Variants in WDR72 observed in about 807,000 individuals in gnomAD.
WDR72 encodes WD repeat domain 72.
In WDR72, 120 loss-of-function variants were observed where a neutral mutation model predicts 124.2. The observed-to-expected ratio is 0.97, with a 90% confidence interval of 0.83 to 1.12. The LOEUF is 1.12. Ranked by LOEUF, WDR72 falls within the 50% of genes most tolerant of loss-of-function variation. WDR72 has a pLI of 0.00. For synonymous variants in WDR72, 452 were observed against 441.7 expected (o/e 1.02, Z -0.29); for missense variants, 1,387 against 1,278.8 (o/e 1.08, Z -1.29).
chr15:53,584,860 G>A (rs962421701), intron 18 of WDR72, among the ~76,000 whole-genome samples: 1 of 151,894 alleles, frequency 6.6e-6, no homozygotes, highest in African/African-American at 2.4e-5. Context: ...TGCCCTTCTT[G>A]CATCAAGCCC....
chr15:53,757,978 TC>T lies in WDR72; in HGVS notation c.-13+1654del, dbSNP rs1367385354. 1.4e-3 allele frequency among the ~76,000 whole-genome samples: 7 copies of T among 4,828 alleles called. No homozygotes were observed. In the Non-Finnish European group the frequency reaches 0.04, roughly 28 times the overall value. The allele number at this position is 4,828 out of a possible 152,430, so 3.2% of individuals were successfully genotyped here. On this transcript the variant is annotated intron_variant, in intron 1 of 19. Coordinates refer to ENST00000360509, the MANE Select transcript of WDR72 (RefSeq NM_182758.4). Reference sequence around the variant, plus strand: ...CAGGGAGAAACTTAAGAGTTTATTTTCTCTCTCTCTCTCTCTCTCTCTCTCT... The same window carrying T: ...CAGGGAGAAACTTAAGAGTTTATTTTTCTCTCTCTCTCTCTCTCTCTCTCT...
intron 13 of WDR72, among the ~76,000 whole-genome samples, chr15:53,695,182 C>T (rs1426069421): frequency 6.6e-6 from 1 of 152,194 alleles, no homozygotes. Flanking sequence ...CTTAATATGG[C>T]ATATTTCCCA....
chr15:53,728,372 T>C (rs750679991), intron 2 of WDR72, among the ~76,000 whole-genome samples: 6 of 152,212 alleles, frequency 3.9e-5, no homozygotes, highest in Non-Finnish European at 7.3e-5. Flanking sequence ...GGAGATACAA[T>C]TCAAGATGAA....
intron 6 of WDR72, among the ~76,000 whole-genome samples, 168 bp downstream of exon 6, chr15:53,714,266 A>C (rs1048016995): frequency 3.3e-5 from 5 of 152,040 alleles, no homozygotes; most frequent in African/African-American, 1.2e-4. Context: ...AAGTGTACCA[A>C]GGCTCACCCC....
rs1181670168 is a variant in WDR72 at position 53,693,356 on chromosome 15, T to G, written c.1765+6394A>C. ...GTAGGAATTTACCACACAATTCTAG[T>G]CTATTGAGGCAAATACAGCTATATT... On this transcript the variant is annotated intron_variant, in intron 13 of 19. Transcript: ENST00000360509. Among the ~76,000 whole-genome samples, 5 of 148,598 alleles carry G rather than the reference T, an allele frequency of 3.4e-5. No homozygotes were observed. The East Asian group carries it at 8.1e-4, about 24-fold the overall frequency.
At chr15:53,663,858 A>G (rs1878184) in intron 14 of WDR72, among the ~76,000 whole-genome samples, 58,821 of 148,672 alleles carry the variant, frequency 0.4, 12,920 homozygotes, top group Middle Eastern at 0.62. Context: ...CCTTATGTTC[A>G]GCTGTTAATG....
chr15:53,702,018 AG>A, intron 12 of WDR72, 115 bp downstream of exon 12: 1 of 684,550 alleles, frequency 1.5e-6, no homozygotes, highest in East Asian at 2.8e-5. Context: ...ATAAGTACAT[AG>A]AACTCATGTT....
chr15:53,729,018 C>T (rs1201365846), intron 2 of WDR72, among the ~76,000 whole-genome samples: 1 of 152,148 alleles, frequency 6.6e-6, no homozygotes, highest in African/African-American at 2.4e-5. Flanking sequence ...ACTTACACCA[C>T]CTTTTTTCCT....
chr15:53,623,064 G>A (rs897116205), intron 14 of WDR72, among the ~76,000 whole-genome samples: 4 of 152,080 alleles, frequency 2.6e-5, no homozygotes, highest in Admixed American at 2.6e-4. Flanking sequence ...GAAATAGTTT[G>A]TAAATCATTA....
intron 12 of WDR72, among the ~76,000 whole-genome samples, chr15:53,701,203 C>T (rs77288656): frequency 0.013 from 1,983 of 152,186 alleles, 32 homozygotes; most frequent in East Asian, 0.07. Context: ...CTTATTAAAG[C>T]TCATTCTCTG....
chr15:53,585,766 C>T (rs774137665), intron 18 of WDR72, among the ~76,000 whole-genome samples: 2 of 151,976 alleles, frequency 1.3e-5, no homozygotes, highest in Non-Finnish European at 2.9e-5. Flanking sequence ...GCTCAGCCAT[C>T]GTCCCAAGAA....
chr15:53,762,227 C>T (rs1020257596), upstream of WDR72, among the ~76,000 whole-genome samples: 2 of 152,116 alleles, frequency 1.3e-5, no homozygotes, highest in African/African-American at 2.4e-5. Context: ...CTTCACATAT[C>T]CTGGGTCTTC....
At chr15:53,580,715 T>G (rs1000061706) in intron 18 of WDR72, among the ~76,000 whole-genome samples, 1 of 151,684 alleles carries the variant, frequency 6.6e-6, no homozygotes, top group Admixed American at 6.6e-5. Flanking sequence ...GAGATAAGCC[T>G]TAAAAAAAAA....
At chr15:53,533,301 A>G (rs1260340263) in intron 18 of WDR72, among the ~76,000 whole-genome samples, 1 of 152,152 alleles carries the variant, frequency 6.6e-6, no homozygotes, top group Non-Finnish European at 1.5e-5. Flanking sequence ...AATCTGAAGA[A>G]GAGTATATTT....
rs1294614159 is a variant in WDR72 at position 53,613,747 on chromosome 15, T to C, written c.2791A>G (p.Met931Val). ...LACRVGSSFRMESIHNKMRGA... is the reference protein window; with the variant it reads ...LACRVGSSFRVESIHNKMRGA... Reference sequence around the variant, plus strand: ...CTCATCTTATTATGTATACTTTCCATTCTGAAAGAACTGTTAGAAAAAAGA... The same window carrying C: ...CTCATCTTATTATGTATACTTTCCACTCTGAAAGAACTGTTAGAAAAAAGA... Residue 931 changes from methionine to valine, a missense_variant, in exon 16 of 20, where the codon ATG becomes GTG. Transcript: ENST00000360509. 42 of 1,602,608 alleles carry C rather than the reference T, an allele frequency of 2.6e-5. No homozygotes were observed. Among genetic ancestry groups the C allele is most frequent in the Non-Finnish European group, 3.6e-5 (42 of 1,170,870 alleles).
chr15:53,572,285 A>G (rs187720678), intron 18 of WDR72, among the ~76,000 whole-genome samples: 6 of 152,248 alleles, frequency 3.9e-5, no homozygotes, highest in Admixed American at 2.0e-4. Flanking sequence ...ACAAACAAAC[A>G]AAACACTGTC....
intron 9 of WDR72, among the ~76,000 whole-genome samples, chr15:53,707,537 C>G (rs188774942): frequency 1.3e-5 from 2 of 151,922 alleles, no homozygotes; most frequent in African/African-American, 4.8e-5. Flanking sequence ...AGCTCTGCCT[C>G]CAGGGTTCAC....
chr15:53,563,730 A>C (rs1894203155), intron 18 of WDR72, among the ~76,000 whole-genome samples: 1 of 151,730 alleles, frequency 6.6e-6, no homozygotes, highest in East Asian at 1.9e-4. Flanking sequence ...GGATGACATA[A>C]AGAGCACAGG....
At chr15:53,759,690 A>G (rs2019018427), upstream of WDR72, 1 of 149,860 alleles carries the variant, frequency 6.7e-6, no homozygotes, top group Non-Finnish European at 1.5e-5. Flanking sequence ...TCTCGCCCTT[A>G]GGGTCACGGG....
Sources: allele counts gnomAD v4.1 joint callset (sites outside exome capture counted in the v4.1 genomes callset), GRCh38; gene constraint gnomAD v4.1.1; transcripts MANE v1.5; gene names NCBI Gene and HGNC (gene_info 2026-07-23, HGNC 2026-07-21).